TCF20: variants seen among roughly 807,000 people sequenced by gnomAD.
TCF20 encodes the protein SPRE-binding protein.
TCF20 carries 3 observed loss-of-function variants against 148.6 expected under a neutral mutation model. The observed-to-expected ratio is 0.02, with a 90% CI of 0.01 to 0.05. The LOEUF (loss-of-function observed/expected upper bound fraction) is 0.05, where lower values mean the gene tolerates loss of function less well. Ranked by LOEUF, TCF20 falls within the 10% of genes least tolerant of loss-of-function variation. TCF20 has a pLI of 1.00. For missense variants in TCF20, 2,350 were observed against 2,429.3 expected (o/e 0.97, Z 0.69); for synonymous variants, 1,049 against 909.5 (o/e 1.15, Z -2.76).
chr22:42,231,850 A>G (rs948665128), intron 1 of TCF20, among the ~76,000 whole-genome samples: 15 of 148,540 alleles, frequency 1.0e-4, no homozygotes, highest in Admixed American at 8.9e-4. Context: ...AATGACGTGA[A>G]CCCGGGAGGC....
At chr22:42,343,075 T>C (rs897294381) in intron 1 of TCF20, among the ~76,000 whole-genome samples, 11 of 152,222 alleles carry the variant, frequency 7.2e-5, no homozygotes, top group African/African-American at 2.7e-4. Flanking sequence ...TTTTTCTTCT[T>C]TTCTACAATG....
At chr22:42,202,220 T>C (rs761734839) in intron 2 of TCF20, among the ~76,000 whole-genome samples, 2 of 152,178 alleles carry the variant, frequency 1.3e-5, no homozygotes, top group Non-Finnish European at 2.9e-5. Flanking sequence ...GGAACACATC[T>C]TTACTAAGAC....
At chr22:42,219,355 CAAA>C (rs528664836) in intron 1 of TCF20, among the ~76,000 whole-genome samples, 232 of 43,516 alleles carry the variant, frequency 5.3e-3, no homozygotes, top group Middle Eastern at 0.031. Flanking sequence ...AACCCTGTCT[CAAA>C]AAAAAAAAAA....
chr22:42,340,831 G>C (rs1388941500), intron 1 of TCF20, among the ~76,000 whole-genome samples: 2 of 150,148 alleles, frequency 1.3e-5, no homozygotes, highest in Admixed American at 6.6e-5. Flanking sequence ...ACGCAATAAA[G>C]AAGGGAAGGG....
chr22:42,174,564 A>T (rs1478780836), intron 3 of TCF20, among the ~76,000 whole-genome samples: 4 of 152,160 alleles, frequency 2.6e-5, no homozygotes, highest in African/African-American at 9.7e-5. Context: ...ATATAAAACT[A>T]ACAATCAACC....
chr22:42,287,508 C>A (rs1272609867), upstream of TCF20, among the ~76,000 whole-genome samples: 2 of 152,134 alleles, frequency 1.3e-5, no homozygotes, highest in Non-Finnish European at 2.9e-5. Context: ...CAGATCCATC[C>A]CATCACGTAT....
At chr22:42,204,093 T>C (rs1938223023) in intron 2 of TCF20, among the ~76,000 whole-genome samples, 1 of 152,240 alleles carries the variant, frequency 6.6e-6, no homozygotes, top group East Asian at 1.9e-4. Flanking sequence ...TTTTATATTT[T>C]CCAAATCATG....
intron 2 of TCF20, among the ~76,000 whole-genome samples, chr22:42,202,297 CCTAA>C (rs1257028130): frequency 3.3e-5 from 5 of 152,230 alleles, no homozygotes; most frequent in Non-Finnish European, 7.3e-5. Flanking sequence ...TCTGAAACCA[CCTAA>C]CTGTTGAAAT....
intron 1 of TCF20, among the ~76,000 whole-genome samples, chr22:42,329,795 C>T (rs925128955): frequency 2.6e-5 from 4 of 152,102 alleles, no homozygotes; most frequent in African/African-American, 9.7e-5. Flanking sequence ...TGCCACTCCC[C>T]CCACCGAGTC....
intron 2 of TCF20, among the ~76,000 whole-genome samples, chr22:42,204,952 G>T (rs1938288870): frequency 6.6e-6 from 1 of 152,138 alleles, no homozygotes; most frequent in African/African-American, 2.4e-5. Flanking sequence ...GAAAAATTTG[G>T]GAGGGGCACC....
In TCF20 at chr22:42,161,216, T is replaced by C. The variant is rs1248652027; in HGVS notation, c.*187A>G. 2.1e-5 allele frequency: 24 copies of C among 1,130,424 alleles called. No individual in the cohort carries two copies. The highest frequency in any genetic ancestry group is 3.1e-5 in the Non-Finnish European group (24 of 786,140). 70.0% of individuals were successfully genotyped at this position (1,130,424 alleles called of 1,614,324 possible). A position where few individuals can be genotyped will look rare whatever the true frequency, so the allele number is the denominator to read the frequency against. On this transcript the variant is annotated 3_prime_UTR_variant, in exon 6 of 6. Transcript: ENST00000677622. Reference sequence around the variant, plus strand: ...TTTCCTGTGGTGTCACTGGTTTGAGTGTGATGTGAGAACTTAAGGAAGTGC... The same window carrying C: ...TTTCCTGTGGTGTCACTGGTTTGAGCGTGATGTGAGAACTTAAGGAAGTGC...
chr22:42,168,028 C>T (rs1398764959), intron 5 of TCF20, among the ~76,000 whole-genome samples: 4 of 151,846 alleles, frequency 2.6e-5, no homozygotes, highest in Middle Eastern at 3.2e-3. Flanking sequence ...TGCCCAGCCT[C>T]GAGATTTTTA....
Position 42,213,316 on chromosome 22 carries a change from T to G in TCF20, c.1990A>C (p.Lys664Gln), listed in dbSNP as rs768428274. The change falls in exon 2 of 6, where the codon AAA (lysine) becomes CAA (glutamine). Residue 664 changes from lysine to glutamine, a missense_variant. Lys to Gln is a moderately conservative substitution (Grantham distance 53). Coordinates refer to ENST00000677622, the MANE Select transcript of TCF20 (RefSeq NM_001378418.1). Reference protein sequence around the residue: ...QPEPPGGGGSKGNKNGDNNSN... With the variant: ...QPEPPGGGGSQGNKNGDNNSN... ...TTGTTATCGCCATTCTTGTTTCCTTTGCTCCCTCCTCCTCCTGGAGGCTCT... is the reference window on the plus strand; with the variant it reads ...TTGTTATCGCCATTCTTGTTTCCTTGGCTCCCTCCTCCTCCTGGAGGCTCT... The G allele has an allele frequency of 3.7e-6, 6 of 1,614,088 alleles. No individual in the cohort carries two copies. The African/African-American group carries it at 8.0e-5, about 22-fold the overall frequency.
At chr22:42,198,350 A>G (rs574513485) in intron 2 of TCF20, among the ~76,000 whole-genome samples, 1 of 152,310 alleles carries the variant, frequency 6.6e-6, no homozygotes, top group East Asian at 1.9e-4. Flanking sequence ...GTGGTAATTC[A>G]CGTATAGTGC....
intron 1 of TCF20, among the ~76,000 whole-genome samples, chr22:42,318,094 C>T (rs974077701): frequency 4.6e-5 from 7 of 152,168 alleles, no homozygotes; most frequent in African/African-American, 1.7e-4. Flanking sequence ...GGCCACAGGC[C>T]CCAACGGGGC....
intron 1 of TCF20, among the ~76,000 whole-genome samples, chr22:42,236,125 G>A (rs555520915): frequency 9.3e-5 from 14 of 150,600 alleles, no homozygotes; most frequent in Non-Finnish European, 1.8e-4. Flanking sequence ...GCAGTGAGCC[G>A]AGATCTCACC....
At chr22:42,184,967 G>A (rs1375350398) in intron 2 of TCF20, among the ~76,000 whole-genome samples, 1 of 152,190 alleles carries the variant, frequency 6.6e-6, no homozygotes, top group African/African-American at 2.4e-5. Context: ...CTGACTTGAG[G>A]TAGCAAACTG....
rs574282262 is a variant in TCF20 at position 42,316,601 on chromosome 22, C to G, written c.-37+26878G>C. ...TACAGGCATGCGCCACCACGCCCGG[C>G]TGATTTTTGTATTTTTAGTAGAGAC... is the stretch of plus-strand genomic sequence containing the variant. On this transcript the variant is annotated intron_variant, in intron 1 of 1. Coordinates refer to the TCF20 transcript ENST00000515426. Among the ~76,000 whole-genome samples the G allele has an allele frequency of 2.6e-5, 4 of 152,296 alleles. No homozygotes were observed. The East Asian group carries it at 7.7e-4, about 29-fold the overall frequency.
intron 1 of TCF20, among the ~76,000 whole-genome samples, chr22:42,310,781 G>A (rs1927521135): frequency 6.6e-6 from 1 of 152,214 alleles, no homozygotes. Flanking sequence ...AGAGTGACAA[G>A]CCAGCCCCAA....
Sources: gnomAD v4.1 joint callset for allele counts (sites outside exome capture counted in the v4.1 genomes callset) on GRCh38, gnomAD v4.1.1 for gene constraint, MANE v1.5 for transcripts, NCBI Gene and HGNC (gene_info 2026-07-23, HGNC 2026-07-21) for gene names.